The following KCNU1 variants were observed in gnomAD, a reference collection of about 807,000 sequenced individuals.
The protein encoded by KCNU1 is potassium calcium-activated channel subfamily U member 1, also known as potassium channel subfamily U member 1.
In KCNU1, 93 loss-of-function variants were observed where a neutral mutation model predicts 126.8. That is an observed-to-expected ratio of 0.73 (90% CI 0.62 to 0.87). KCNU1 has a LOEUF of 0.87. Among genes scored for constraint, KCNU1 ranks in the 40% least tolerant of loss-of-function variants. The probability of loss-of-function intolerance (pLI) is 0.00; values close to 1 mark genes in which losing one functional copy is unlikely to be tolerated. For missense variants in KCNU1, 1,330 were observed against 1,367.1 expected, an observed-to-expected ratio of 0.97 and a Z score of 0.43; for synonymous variants, 523 against 494.2, an observed-to-expected ratio of 1.06 and a Z score of -0.77.
chr8:36,849,977 C>T (rs1002027614), intron 18 of KCNU1, among the ~76,000 whole-genome samples: 1 of 152,158 alleles, frequency 6.6e-6, no homozygotes, highest in African/African-American at 2.4e-5. Context: ...TCTACATTCT[C>T]ACCTACACTT....
chr8:36,797,973 A>G (rs975496541), intron 2 of KCNU1, among the ~76,000 whole-genome samples: 1 of 152,216 alleles, frequency 6.6e-6, no homozygotes, highest in Admixed American at 6.5e-5. Context: ...AATAGGGAGT[A>G]CAAGACGAGG....
chr8:36,823,586 A>T (rs996986794), intron 10 of KCNU1, among the ~76,000 whole-genome samples: 8 of 151,966 alleles, frequency 5.3e-5, no homozygotes, highest in Non-Finnish European at 7.4e-5. Flanking sequence ...TTTTATTTTC[A>T]ATCCTCAGTG....
intron 1 of KCNU1, among the ~76,000 whole-genome samples, chr8:36,784,912 A>G (rs962803898): frequency 6.6e-6 from 1 of 152,232 alleles, no homozygotes; most frequent in East Asian, 1.9e-4. Context: ...CATTATGTCC[A>G]TGCCTCTATC....
At chr8:36,815,730 C>T (rs1296640662) in intron 9 of KCNU1, 43 bp downstream of exon 9, 2 of 1,131,624 alleles carry the variant, frequency 1.8e-6, no homozygotes, top group Admixed American at 4.2e-5. Context: ...TTAAGAAATT[C>T]TATTAGCCAT....
intron 23 of KCNU1, among the ~76,000 whole-genome samples, chr8:36,921,477 G>A (rs1485530952): frequency 6.6e-6 from 1 of 151,994 alleles, no homozygotes; most frequent in Non-Finnish European, 1.5e-5. Flanking sequence ...TCAAGAGTTT[G>A]AGACCAGCCT....
At chr8:36,832,959 A>C (rs1200952477) in intron 10 of KCNU1, among the ~76,000 whole-genome samples, 1 of 152,082 alleles carries the variant, frequency 6.6e-6, no homozygotes, top group Non-Finnish European at 1.5e-5. Context: ...TAAATCTGAA[A>C]ACTATTTTTA....
At chr8:36,920,159 A>G (rs1808286764) in intron 23 of KCNU1, among the ~76,000 whole-genome samples, 1 of 152,038 alleles carries the variant, frequency 6.6e-6, no homozygotes, top group Admixed American at 6.6e-5. Context: ...GGTTCTCTGT[A>G]TCTGTGAGGC....
intron 19 of KCNU1, among the ~76,000 whole-genome samples, chr8:36,865,829 A>G (rs893459085): frequency 6.6e-6 from 1 of 151,748 alleles, no homozygotes; most frequent in African/African-American, 2.4e-5. Flanking sequence ...ATACACACAC[A>G]CAGAATATTA....
At chr8:36,829,227 T>C (rs1354997252) in intron 10 of KCNU1, among the ~76,000 whole-genome samples, 7 of 152,120 alleles carry the variant, frequency 4.6e-5, no homozygotes, top group Non-Finnish European at 5.9e-5. Flanking sequence ...ATTTGTCTTA[T>C]TGCTGAATAT....
intron 7 of KCNU1, among the ~76,000 whole-genome samples, 179 bp downstream of exon 7, chr8:36,808,972 C>T (rs1803607771): frequency 6.6e-6 from 1 of 152,086 alleles, no homozygotes; most frequent in Non-Finnish European, 1.5e-5. Context: ...TATGCATCTC[C>T]TACAATCAAG....
chr8:36,882,284 A>G (rs1286552222), intron 19 of KCNU1, among the ~76,000 whole-genome samples: 1 of 152,230 alleles, frequency 6.6e-6, no homozygotes, highest in Non-Finnish European at 1.5e-5. Flanking sequence ...CTTTCCAGGC[A>G]AAGTTCACAG....
Position 36,935,613 on chromosome 8 carries a change from A to T in KCNU1, c.3143A>T (p.Glu1048Val), listed in dbSNP as rs1177484744. 3 of 1,613,228 alleles carry T rather than the reference A, an allele frequency of 1.9e-6. No homozygotes were observed. In the East Asian group the frequency reaches 6.7e-5, roughly 36 times the overall value. The change falls in exon 27 of 27, where the codon GAA (glutamate) becomes GTA (valine). Residue 1048 changes from glutamate (E) to valine (V), a missense_variant. Around this residue, in one of 3 missense-constraint regions of KCNU1, gnomAD observed 1,054 missense variants for 1,053.9 expected, o/e 1.00. Transcript: ENST00000399881. ...PFSTACYKRN[E>V]EFSLQKSYEI... Reference sequence around the variant, plus strand: ...AGCACTGCTTGTTATAAAAGGAATGAAGAGTTCTCATTGCAAAAGTCATAT... The same window carrying T: ...AGCACTGCTTGTTATAAAAGGAATGTAGAGTTCTCATTGCAAAAGTCATAT...
chr8:36,812,702 G>C (rs1803769199), intron 7 of KCNU1, among the ~76,000 whole-genome samples: 2 of 152,020 alleles, frequency 1.3e-5, no homozygotes, highest in African/African-American at 4.8e-5. Context: ...TCCCACCTTG[G>C]ACTGATGGGT....
In KCNU1 at chr8:36,834,782, G is replaced by A; in HGVS notation, c.1213-4G>A. Reference sequence around the variant, plus strand: ...GATGGCTCCTGTCCGATCTTGAAGGGTAGGTGGAATCTGCAGAGGCATGCC... The same window carrying A: ...GATGGCTCCTGTCCGATCTTGAAGGATAGGTGGAATCTGCAGAGGCATGCC... On this transcript the variant is annotated splice_polypyrimidine_tract_variant and splice_region_variant and intron_variant, in intron 11 of 26. Coordinates refer to ENST00000399881, the MANE Select transcript of KCNU1 (RefSeq NM_001031836.3). 6.3e-7 allele frequency: 1 copy of A among 1,599,280 alleles called. No individual in the cohort carries two copies.
At chr8:36,830,329 T>G (rs1804488464) in intron 10 of KCNU1, among the ~76,000 whole-genome samples, 1 of 151,954 alleles carries the variant, frequency 6.6e-6, no homozygotes, top group South Asian at 2.1e-4. Flanking sequence ...TCATTAAAGA[T>G]ATCTTTTTTA....
intron 2 of KCNU1, 84 bp from the exon 3 acceptor site, chr8:36,803,943 G>A: frequency 2.3e-6 from 2 of 883,764 alleles, no homozygotes; most frequent in East Asian, 2.6e-5. Context: ...CACAGGCATG[G>A]TAAAAAGAGA....
chr8:36,807,039 A>G (rs1479961366), intron 5 of KCNU1, among the ~76,000 whole-genome samples: 1 of 152,202 alleles, frequency 6.6e-6, no homozygotes, highest in Non-Finnish European at 1.5e-5. Flanking sequence ...AGTAAAATGA[A>G]TAGTCCCCAT....
At chr8:36,877,748 T>TA (rs886260092) in intron 19 of KCNU1, among the ~76,000 whole-genome samples, 1 of 152,150 alleles carries the variant, frequency 6.6e-6, no homozygotes, top group Non-Finnish European at 1.5e-5. Context: ...GAGGGATGCA[T>TA]AAAAAATGAA....
intron 2 of KCNU1, among the ~76,000 whole-genome samples, chr8:36,800,567 C>T (rs995073983): frequency 4.6e-5 from 7 of 152,192 alleles, no homozygotes; most frequent in African/African-American, 1.2e-4. Context: ...TGTCTCCTCT[C>T]GGCCACTATT....
Sources: gnomAD v4.1 joint callset for allele counts (sites outside exome capture counted in the v4.1 genomes callset) on GRCh38, gnomAD v4.1.1 for gene constraint, gnomAD v4.1.1 regional missense constraint, MANE v1.5 for transcripts, NCBI Gene and HGNC (gene_info 2026-07-23, HGNC 2026-07-21) for gene names.